The following DNAH8 variants were observed in gnomAD, a reference collection of about 807,000 sequenced individuals.
DNAH8 encodes axonemal beta dynein heavy chain 8.
A neutral mutation model predicts 562.1 loss-of-function variants in DNAH8; 382 were observed. The observed-to-expected ratio is 0.68, with a 90% CI of 0.63 to 0.74. The LOEUF is 0.74. Among genes scored for constraint, DNAH8 ranks in the 30% least tolerant of loss-of-function variants. DNAH8 has a pLI of 0.00. For synonymous variants in DNAH8, 1,881 were observed against 1,919.4 expected, an observed-to-expected ratio of 0.98 and a Z score of 0.52; for missense variants, 5,203 against 5,620.4, an observed-to-expected ratio of 0.93 and a Z score of 2.37.
At chr6:38,801,453 CAT>C (rs1366262788) in intron 21 of DNAH8, among the ~76,000 whole-genome samples, 3 of 152,176 alleles carry the variant, frequency 2.0e-5, no homozygotes, top group Admixed American at 2.0e-4. Context: ...CCAAGATAAA[CAT>C]GTGTGTTCAT....
At chr6:38,727,923 A>G (rs772509653) in intron 3 of DNAH8, among the ~76,000 whole-genome samples, 3 of 152,138 alleles carry the variant, frequency 2.0e-5, no homozygotes, top group Non-Finnish European at 2.9e-5. Context: ...CTGAGGTCCA[A>G]TCCCAGGTTC....
intron 41 of DNAH8, among the ~76,000 whole-genome samples, chr6:38,853,723 G>A (rs1775950807): frequency 6.6e-6 from 1 of 151,966 alleles, no homozygotes; most frequent in Non-Finnish European, 1.5e-5. Flanking sequence ...AACCAAAAAT[G>A]CATTTAATGC....
chr6:38,806,490 T>C (rs1210900134), intron 23 of DNAH8, among the ~76,000 whole-genome samples: 1 of 152,112 alleles, frequency 6.6e-6, no homozygotes, highest in Non-Finnish European at 1.5e-5. Flanking sequence ...TGCCTGTCTT[T>C]CAGTTGCATT....
In DNAH8 at chr6:38,973,829, T is replaced by C. The variant is rs764352180; in HGVS notation, c.12678+16T>C. The C allele has an allele frequency of 6.3e-7, 1 of 1,582,058 alleles. No individual in the cohort carries two copies. Among genetic ancestry groups the C allele is most frequent in the South Asian group, 1.2e-5 (1 of 85,914 alleles). On this transcript the variant is annotated intron_variant, in intron 84 of 92. Transcript: ENST00000327475. The stretch of plus-strand genomic sequence containing the variant: ...ATTGCTTCAGGTTTGTTACTAAACG[T>C]CTTTTCATCGAGAGTCATAGTAATA...
chr6:38,874,504 G>A (rs1777836993), intron 52 of DNAH8, among the ~76,000 whole-genome samples: 1 of 150,892 alleles, frequency 6.6e-6, no homozygotes, highest in Admixed American at 6.6e-5. Flanking sequence ...GAAGTTGTTG[G>A]GGCTACAGGC....
At chr6:38,979,248 A>G (rs1471713694) in intron 85 of DNAH8, among the ~76,000 whole-genome samples, 2 of 152,208 alleles carry the variant, frequency 1.3e-5, no homozygotes, top group Admixed American at 1.3e-4. Context: ...TTGACAGTTA[A>G]TTATATTCAC....
rs536236686 is a variant in DNAH8, at chr6:38,783,129, G to A, written c.2385G>A (p.Gln795=). The change falls in exon 17 of 93, where the codon CAG becomes CAA. Residue 795 remains glutamine (Q), a synonymous_variant. Coordinates refer to ENST00000327475, the MANE Select transcript of DNAH8 (RefSeq NM_001206927.2). The part of the protein sequence containing the change: ...YHTAWIREIS[Q]LHYALQATLF... ...CAGCCTGGATCAGAGAGATTTCACA[G>A]TTGCATTACGGTGTGTATAACACTG... The A allele has an allele frequency of 6.2e-7, 1 of 1,613,934 alleles. No individual in the cohort carries two copies. The highest frequency in any genetic ancestry group is 1.3e-5 in the African/African-American group (1 of 75,000).
Position 38,873,252 on chromosome 6 carries a change from G to A in DNAH8, c.7496G>A (p.Arg2499His), listed in dbSNP as rs1253356713. The A allele has an allele frequency of 2.5e-6, 4 of 1,613,292 alleles. No individual in the cohort carries two copies. The East Asian group carries it at 6.7e-5, about 27-fold the overall frequency. ...TTGTTGCAGGCATGGTTGAAGAAAC[G>A]CACTGCACAGGAAGCTGCTGTATTC... The part of the protein sequence containing the change: ...RPILQAWLKK[R>H]TAQEAAVFLT... Residue 2499 changes from arginine to histidine, a missense_variant, in exon 52 of 93, where the codon CGC becomes CAC. By Grantham distance (29) the Arg-to-His change is conservative. Transcript: ENST00000327475.
At chr6:38,839,648 G>A (rs946173103) in intron 33 of DNAH8, among the ~76,000 whole-genome samples, 10 of 151,486 alleles carry the variant, frequency 6.6e-5, no homozygotes, top group African/African-American at 2.2e-4. Context: ...GTGAGCACCC[G>A]CACCCAACCG....
rs76584184 is a variant in DNAH8 at position 38,954,174 on chromosome 6, A to C, written c.12451+2654A>C. 2.6e-5 allele frequency among the ~76,000 whole-genome samples: 4 copies of C among 152,288 alleles called. No homozygotes were observed. The East Asian group carries it at 7.7e-4, about 29-fold the overall frequency. ...GCACAGAGTACTGGGTACATGGGCA[A>C]AGTGGAGAAAGCAGATGGGTTTAGC... On this transcript the variant is annotated intron_variant, in intron 82 of 92. Transcript: ENST00000327475.
At chr6:38,810,005 C>T (rs1771653465) in intron 24 of DNAH8, among the ~76,000 whole-genome samples, 1 of 152,044 alleles carries the variant, frequency 6.6e-6, no homozygotes, top group Admixed American at 6.5e-5. Flanking sequence ...TTTCTCTGTA[C>T]TTTTTAGTTT....
At chr6:38,904,244 A>G (rs902683874) in intron 62 of DNAH8, among the ~76,000 whole-genome samples, 1 of 152,200 alleles carries the variant, frequency 6.6e-6, no homozygotes, top group Admixed American at 6.5e-5. Flanking sequence ...AATAAGACTC[A>G]TGGATGTGGA....
At chr6:38,883,228 T>C in intron 54 of DNAH8, 94 bp from the exon 55 acceptor site, 1 of 1,398,734 alleles carries the variant, frequency 7.1e-7, no homozygotes, top group Non-Finnish European at 9.6e-7. Flanking sequence ...AAATTAGTTG[T>C]ATTAATTTAT....
At chr6:38,883,767 T>C in intron 55 of DNAH8, 109 bp from the exon 56 acceptor site, 1 of 905,790 alleles carries the variant, frequency 1.1e-6, no homozygotes, top group Non-Finnish European at 1.5e-6. Flanking sequence ...ATATGTATAC[T>C]TATTAAATGC....
intron 61 of DNAH8, among the ~76,000 whole-genome samples, chr6:38,899,482 A>G (rs1779920539): frequency 6.6e-6 from 1 of 152,208 alleles, no homozygotes; most frequent in Non-Finnish European, 1.5e-5. Context: ...AAAATAATAA[A>G]ATTCTACATG....
intron 91 of DNAH8, among the ~76,000 whole-genome samples, chr6:39,017,925 C>T (rs1162703480): frequency 6.6e-6 from 1 of 152,130 alleles, no homozygotes; most frequent in Non-Finnish European, 1.5e-5. Flanking sequence ...GGAAAGTGTG[C>T]CAAGGACTAA....
At chr6:38,918,175 AT>A in intron 70 of DNAH8, 35 bp downstream of exon 70, 1 of 1,463,816 alleles carries the variant, frequency 6.8e-7, no homozygotes, top group Non-Finnish European at 9.5e-7. Context: ...GTAAATCAAT[AT>A]TTCATAAAAT....
Position 38,898,355 on chromosome 6 carries a change from A to G in DNAH8, c.9038A>G (p.Lys3013Arg). ...ACATCTCTTGATCTGGTGTTTTTTA[A>G]AGATGCAATGACTCATCTTATTAAG... ...RGTSLDLVFF[K>R]DAMTHLIKIS... The change falls in exon 61 of 93, where the codon AAA becomes AGA. Residue 3013 changes from lysine (K) to arginine (R), a missense_variant. Transcript: ENST00000327475. 4 of 1,585,072 alleles carry G rather than the reference A, an allele frequency of 2.5e-6. No individual in the cohort carries two copies. Among genetic ancestry groups the G allele is most frequent in the Non-Finnish European group, 3.4e-6 (4 of 1,171,232 alleles).
At chr6:38,987,400 TTC>T (rs1764476099) in intron 87 of DNAH8, among the ~76,000 whole-genome samples, 1 of 152,146 alleles carries the variant, frequency 6.6e-6, no homozygotes. Context: ...AAACCCAAGA[TTC>T]TCTGTCCTCT....
Sources: allele counts gnomAD v4.1 joint callset (sites outside exome capture counted in the v4.1 genomes callset), GRCh38; gene constraint gnomAD v4.1.1; transcripts MANE v1.5; gene names NCBI Gene and HGNC (gene_info 2026-07-23, HGNC 2026-07-21).